NAV3: variants seen among roughly 807,000 people sequenced by gnomAD.
NAV3 encodes the protein neuron navigator 3.
A neutral mutation model predicts 244.7 loss-of-function variants in NAV3; 87 were observed. That is an observed-to-expected ratio of 0.36 (90% CI 0.30 to 0.42). NAV3 has a LOEUF of 0.42. Ranked by LOEUF, NAV3 falls within the 20% of genes least tolerant of loss-of-function variation. The pLI, the probability that NAV3 is intolerant of heterozygous loss-of-function variation, is 1.00. For missense variants in NAV3, 2,663 were observed against 2,893.3 expected (o/e 0.92, Z 1.83); for synonymous variants, 1,126 against 1,042.2 (o/e 1.08, Z -1.55).
intron 35 of NAV3, 78 bp downstream of exon 35, chr12:78,197,479 T>A: frequency 9.4e-7 from 1 of 1,066,056 alleles, no homozygotes; most frequent in Non-Finnish European, 1.3e-6. Flanking sequence ...CTGTATGCAT[T>A]TTTAAAATTT....
intron 2 of NAV3, among the ~76,000 whole-genome samples, chr12:77,634,216 G>A (rs1419584187): frequency 6.6e-6 from 1 of 151,978 alleles, no homozygotes; most frequent in Admixed American, 6.6e-5. Context: ...ACATAAAGCA[G>A]GTGCTCAGTA....
intron 35 of NAV3, 85 bp downstream of exon 35, chr12:78,197,486 ATTTG>A (rs1959193563): frequency 2.1e-6 from 2 of 962,482 alleles, no homozygotes; most frequent in Admixed American, 2.9e-5. Context: ...CATTTTTAAA[ATTTG>A]TTTAATATTT....
chr12:77,719,768 G>C (rs1565785731), intron 2 of NAV3, among the ~76,000 whole-genome samples: 1 of 152,044 alleles, frequency 6.6e-6, no homozygotes, highest in Non-Finnish European at 1.5e-5. Flanking sequence ...TTCTTGTAAT[G>C]TCTTTGTCTA....
At chr12:78,025,223 T>C (rs569184000) in intron 9 of NAV3, among the ~76,000 whole-genome samples, 1 of 152,232 alleles carries the variant, frequency 6.6e-6, no homozygotes, top group South Asian at 2.1e-4. Context: ...AGCAGCTATT[T>C]GTCCTCTTCT....
chr12:78,180,919 A>T lies in NAV3; in HGVS notation c.5566A>T (p.Thr1856Ser). The change falls in exon 30 of 40, where the codon ACT becomes TCT. Residue 1856 changes from threonine (T) to serine (S), a missense_variant. Thr to Ser is a moderately conservative substitution (Grantham distance 58). Transcript: ENST00000397909. ...TGAAAATGACCGGTTGAAGGCAGAA[A>T]CTGGTAACACAGCTAAGCCTACTCG... Reference protein sequence around the residue: ...KAENDRLKAETGNTAKPTRPP... With the variant: ...KAENDRLKAESGNTAKPTRPP... 1 of 1,613,002 alleles carries T rather than the reference A, an allele frequency of 6.2e-7. No homozygotes were observed. The highest frequency in any genetic ancestry group is 8.5e-7 in the Non-Finnish European group (1 of 1,179,396).
intron 38 of NAV3, among the ~76,000 whole-genome samples, chr12:78,201,927 G>T (rs1452604940): frequency 6.6e-6 from 1 of 151,746 alleles, no homozygotes; most frequent in Non-Finnish European, 1.5e-5. Flanking sequence ...GAATGGCATG[G>T]CAGTATTTGG....
chr12:78,110,676 C>CATAT (rs148753434), intron 12 of NAV3, among the ~76,000 whole-genome samples: 6 of 145,420 alleles, frequency 4.1e-5, no homozygotes, highest in Middle Eastern at 3.5e-3. Flanking sequence ...GAAATAAAGC[C>CATAT]ATATATATAT....
chr12:78,052,681 T>C (rs1283819835), intron 11 of NAV3, among the ~76,000 whole-genome samples: 1 of 152,120 alleles, frequency 6.6e-6, no homozygotes, highest in Non-Finnish European at 1.5e-5. Flanking sequence ...GTATTTAACA[T>C]AGCCTAGGAG....
At chr12:77,977,087 T>A (rs1868585732) in intron 5 of NAV3, among the ~76,000 whole-genome samples, 2 of 152,220 alleles carry the variant, frequency 1.3e-5, no homozygotes, top group Admixed American at 1.3e-4. Flanking sequence ...GGCAATCTAG[T>A]ACAGAGTTTG....
intron 13 of NAV3, among the ~76,000 whole-genome samples, chr12:78,117,180 T>TATGATATAC: frequency 7.3e-6 from 1 of 136,320 alleles, no homozygotes; most frequent in Non-Finnish European, 1.6e-5. Context: ...TATATATATA[T>TATGATATAC]ATATATATAT....
chr12:77,834,972 A>G (rs995112520), intron 1 of NAV3, among the ~76,000 whole-genome samples: 1 of 152,220 alleles, frequency 6.6e-6, no homozygotes, highest in Non-Finnish European at 1.5e-5. Flanking sequence ...CAAAAGCAGA[A>G]AAGTCAACAT....
At chr12:78,048,715 G>C (rs1275578194) in intron 9 of NAV3, among the ~76,000 whole-genome samples, 4 of 152,188 alleles carry the variant, frequency 2.6e-5, no homozygotes, top group Non-Finnish European at 1.5e-5. Flanking sequence ...ACTTGAGGAG[G>C]CTGTCTGTCC....
chr12:78,030,224 C>G (rs770123), intron 9 of NAV3, among the ~76,000 whole-genome samples: 81,903 of 151,914 alleles, frequency 0.54, 22,383 homozygotes, highest in African/African-American at 0.58. Context: ...GAATGAACCT[C>G]TCAGAATTCT....
At chr12:77,930,868 T>C (rs1240951867) in intron 1 of NAV3, among the ~76,000 whole-genome samples, 1 of 152,224 alleles carries the variant, frequency 6.6e-6, no homozygotes, top group African/African-American at 2.4e-5. Context: ...TAGGAATTTC[T>C]CTGTATCTTC....
In NAV3 at chr12:78,199,589, C is replaced by T. The variant is rs140650521; in HGVS notation, c.6715+58C>T. On this transcript the variant is annotated intron_variant, in intron 37 of 39. Coordinates refer to ENST00000397909, the MANE Select transcript of NAV3 (RefSeq NM_001024383.2). ...AGGAACTAACAGTGCTTGGTAAAGACGGCCAGATTGGATGGTAGAAAATAA... is the reference window on the plus strand; with the variant it reads ...AGGAACTAACAGTGCTTGGTAAAGATGGCCAGATTGGATGGTAGAAAATAA... 48 of 1,253,510 alleles carry T rather than the reference C, an allele frequency of 3.8e-5. No homozygotes were observed. The Middle Eastern group carries it at 6.7e-4, about 18-fold the overall frequency. The allele number at this position is 1,253,510 out of a possible 1,614,324, so 77.6% of individuals were successfully genotyped here.
At chr12:77,843,681 G>T (rs1876112682) in intron 1 of NAV3, among the ~76,000 whole-genome samples, 1 of 151,828 alleles carries the variant, frequency 6.6e-6, no homozygotes, top group Non-Finnish European at 1.5e-5. Flanking sequence ...AGCTTTTACT[G>T]TAGGTCTGGA....
At chr12:77,746,205 A>G (rs894499282) in intron 2 of NAV3, among the ~76,000 whole-genome samples, 1 of 152,010 alleles carries the variant, frequency 6.6e-6, no homozygotes, top group Non-Finnish European at 1.5e-5. Context: ...TCTCACGGGG[A>G]TAGATAGTAA....
chr12:77,900,312 A>G (rs1399149792), intron 1 of NAV3, among the ~76,000 whole-genome samples: 2 of 151,988 alleles, frequency 1.3e-5, no homozygotes, highest in East Asian at 1.9e-4. Context: ...TCCTGACCTC[A>G]TGATCTGCCC....
intron 8 of NAV3, among the ~76,000 whole-genome samples, chr12:78,019,518 A>T (rs1473299595): frequency 1.3e-5 from 2 of 152,170 alleles, no homozygotes; most frequent in Non-Finnish European, 2.9e-5. Context: ...TCCAGGGAAT[A>T]CTAAGTATGA....
Sources: gnomAD v4.1 joint callset for allele counts (sites outside exome capture counted in the v4.1 genomes callset) on GRCh38, gnomAD v4.1.1 for gene constraint, MANE v1.5 for transcripts, NCBI Gene and HGNC (gene_info 2026-07-23, HGNC 2026-07-21) for gene names.